Variants in USP6NL observed in about 807,000 individuals in gnomAD.
USP6NL encodes USP6 N-terminal-like protein.
A neutral mutation model predicts 61.9 loss-of-function variants in USP6NL; 26 were observed. The ratio of observed to expected loss-of-function variants is 0.42; its 90% CI spans 0.31 to 0.58. USP6NL has a LOEUF of 0.58. Ranked by LOEUF, USP6NL falls within the 20% of genes least tolerant of loss-of-function variation. USP6NL has a pLI of 0.16. For missense variants in USP6NL, 1,114 were observed against 1,034.3 expected (o/e 1.08, Z -1.06); for synonymous variants, 432 against 390.1 (o/e 1.11, Z -1.27).
chr10:11,469,792 A>G (rs567378173), intron 14 of USP6NL, among the ~76,000 whole-genome samples: 4 of 152,304 alleles, frequency 2.6e-5, no homozygotes, highest in African/African-American at 9.6e-5. Context: ...TTCACTTTAA[A>G]CAGTGCCAGC....
rs773170888 is a variant in USP6NL at position 11,474,974 on chromosome 10, A to G, written c.1078+6796T>C. On this transcript the variant is annotated intron_variant, in intron 14 of 14. Coordinates refer to ENST00000609104, the MANE Select transcript of USP6NL (RefSeq NM_014688.5). The surrounding 1 kb of genome is among the most constrained non-coding windows in gnomAD (Gnocchi z 4.9). Reference sequence around the variant, plus strand: ...CCCCGAAGGCTATGGCCATTTACCAAGACTAAAATGGCTCTGTCAACTATT... The same window carrying G: ...CCCCGAAGGCTATGGCCATTTACCAGGACTAAAATGGCTCTGTCAACTATT... Among the ~76,000 whole-genome samples, 1 of 152,204 alleles carries G rather than the reference A, an allele frequency of 6.6e-6. No individual in the cohort carries two copies. The highest frequency in any genetic ancestry group is 1.5e-5 in the Non-Finnish European group (1 of 68,038).
At chr10:11,530,986 T>C (rs1835633541) in intron 2 of USP6NL, among the ~76,000 whole-genome samples, 2 of 152,238 alleles carry the variant, frequency 1.3e-5, no homozygotes, top group South Asian at 4.1e-4. Context: ...TCAACAGCTG[T>C]CTTGTGTCTG....
chr10:11,463,184 A>T lies in USP6NL; in HGVS notation c.1744T>A (p.Tyr582Asn). Residue 582 changes from tyrosine (Y) to asparagine (N), a missense_variant, in exon 15 of 15, where the codon TAC becomes AAC. Transcript: ENST00000609104. The surrounding 1 kb of genome is among the most constrained non-coding windows in gnomAD (Gnocchi z 6.3). ...GCGTGCTTTCTCGGGCTAGGAGGGTAAAGGGCATGCCGGGGGCTCTGGGAG... is the reference window on the plus strand; with the variant it reads ...GCGTGCTTTCTCGGGCTAGGAGGGTTAAGGGCATGCCGGGGGCTCTGGGAG... ...AYSQSPRHALYPPSPRKHAEP... is the reference protein window; with the variant it reads ...AYSQSPRHALNPPSPRKHAEP... 1 of 1,613,650 alleles carries T rather than the reference A, an allele frequency of 6.2e-7. No homozygotes were observed. The highest frequency in any genetic ancestry group is 8.5e-7 in the Non-Finnish European group (1 of 1,179,874).
At chr10:11,469,344 T>A (rs1832626120) in intron 14 of USP6NL, among the ~76,000 whole-genome samples, 1 of 152,194 alleles carries the variant, frequency 6.6e-6, no homozygotes, top group Non-Finnish European at 1.5e-5. Context: ...ACTATTCATA[T>A]GAGTTAGAGT....
intron 14 of USP6NL, among the ~76,000 whole-genome samples, chr10:11,464,168 A>G (rs1485616082): frequency 3.9e-5 from 6 of 152,254 alleles, no homozygotes; most frequent in African/African-American, 7.2e-5. Context: ...GGGGACAGGC[A>G]GGCACACATG....
At chr10:11,531,688 C>T (rs576808417) in intron 2 of USP6NL, among the ~76,000 whole-genome samples, 2 of 149,638 alleles carry the variant, frequency 1.3e-5, no homozygotes, top group South Asian at 2.1e-4. Context: ...AAAAAAACTA[C>T]ATTATCCAAG....
At chr10:11,500,360 G>A (rs920680722) in intron 7 of USP6NL, among the ~76,000 whole-genome samples, 3 of 151,732 alleles carry the variant, frequency 2.0e-5, no homozygotes, top group Non-Finnish European at 4.4e-5. Flanking sequence ...AAAAAAAACA[G>A]CAATTTTTAT....
rs534850257 is a variant in USP6NL, at chr10:11,471,825, G to T, written c.1079-7976C>A. Among the ~76,000 whole-genome samples, 6 of 133,468 alleles carry T rather than the reference G, an allele frequency of 4.5e-5. No individual in the cohort carries two copies. In the Admixed American group the frequency reaches 4.7e-4, roughly 10 times the overall value. 87.6% of individuals were successfully genotyped at this position (133,468 alleles called of 152,430 possible). On this transcript the variant is annotated intron_variant, in intron 14 of 14. Transcript: ENST00000609104. ...GGAACATCACACACCGAGGCCTGTT[G>T]TGGGGTGGGGGGAGGGGGGGACAGC...
intron 5 of USP6NL, among the ~76,000 whole-genome samples, chr10:11,512,441 G>C (rs1391732042): frequency 6.6e-6 from 1 of 152,032 alleles, no homozygotes; most frequent in African/African-American, 2.4e-5. Context: ...TCCCTGCTGG[G>C]ATCCTTGTCT....
Position 11,527,513 on chromosome 10 carries a change from G to A in USP6NL, c.59C>T (p.Ala20Val). The change falls in exon 3 of 15, where the codon GCT (alanine) becomes GTT (valine). Residue 20 changes from alanine (A) to valine (V), a missense_variant. By Grantham distance (64) the Ala-to-Val change is moderately conservative (BLOSUM62 0). Transcript: ENST00000609104. ...ATGGATACTTACTCTGTCATATTTA[G>A]CAACTATTTCAGCTCGCTCCTGGGC... Reference protein sequence around the residue: ...KLAQERAEIVAKYDRGREGAE... With the variant: ...KLAQERAEIVVKYDRGREGAE... 1.9e-6 allele frequency: 3 copies of A among 1,606,514 alleles called. No homozygotes were observed. Among genetic ancestry groups the A allele is most frequent in the Non-Finnish European group, 2.6e-6 (3 of 1,176,136 alleles).
At position 11,561,236 on chromosome 10, in the gene USP6NL, C is replaced by T. The variant is rs1371289400; in HGVS notation, c.5-33669G>A. On this transcript the variant is annotated intron_variant, in intron 2 of 14. Coordinates refer to ENST00000609104, the MANE Select transcript of USP6NL (RefSeq NM_014688.5). The surrounding 1 kb of genome is among the most constrained non-coding windows in gnomAD (Gnocchi z 4.1). ...TCATTTCCTAACTGAACACTTAATTCATGCTTATAAAATATTCAAGCAATA... is the reference window on the plus strand; with the variant it reads ...TCATTTCCTAACTGAACACTTAATTTATGCTTATAAAATATTCAAGCAATA... Among the ~76,000 whole-genome samples, 1 of 152,134 alleles carries T rather than the reference C, an allele frequency of 6.6e-6. No homozygotes were observed. The highest frequency in any genetic ancestry group is 1.5e-5 in the Non-Finnish European group (1 of 68,008).
intron 2 of USP6NL, among the ~76,000 whole-genome samples, chr10:11,570,994 T>C (rs978687830): frequency 2.6e-5 from 4 of 152,182 alleles, no homozygotes; most frequent in African/African-American, 9.7e-5. Context: ...AAACAAACAC[T>C]TATTAGACAA....
rs1214589229 is a variant in USP6NL at position 11,470,689 on chromosome 10, C to A, written c.1079-6840G>T. Among the ~76,000 whole-genome samples, 1 of 152,210 alleles carries A rather than the reference C, an allele frequency of 6.6e-6. No homozygotes were observed. Among genetic ancestry groups the A allele is most frequent in the Non-Finnish European group, 1.5e-5 (1 of 68,030 alleles). ...TGTCTTTGGTTTAAATATCTCCTTTCACCCCTAAGCAACTAACTGTAACTA... is the reference window on the plus strand; with the variant it reads ...TGTCTTTGGTTTAAATATCTCCTTTAACCCCTAAGCAACTAACTGTAACTA... On this transcript the variant is annotated intron_variant, in intron 14 of 14. Transcript: ENST00000609104. This position sits in a 1 kb window ranked among gnomAD's most constrained non-coding sequence, Gnocchi z 5.4.
Position 11,482,758 on chromosome 10 carries a change from C to G in USP6NL, c.926-836G>C, listed in dbSNP as rs144073056. Among the ~76,000 whole-genome samples, 172 of 151,584 alleles carry G rather than the reference C, an allele frequency of 1.1e-3. No individual in the cohort carries two copies. The highest frequency in any genetic ancestry group is 3.9e-3 in the African/African-American group (163 of 41,312). ...CTGTGTGATGAACCTCCAGTAACAA[C>G]GTATTTTTAAGACAATCAGTAAGAA... is the stretch of plus-strand genomic sequence containing the variant. On this transcript the variant is annotated intron_variant, in intron 13 of 14. Coordinates refer to ENST00000609104, the MANE Select transcript of USP6NL (RefSeq NM_014688.5). This position sits in a 1 kb window ranked among gnomAD's most constrained non-coding sequence, Gnocchi z 4.0.
Position 11,597,681 on chromosome 10 carries a change from A to T in USP6NL, c.-47T>A. On this transcript the variant is annotated 5_prime_UTR_variant, in exon 2 of 15. Transcript: ENST00000609104. The surrounding 1 kb of genome is among the most constrained non-coding windows in gnomAD (Gnocchi z 4.6). ...TTGTCCCAATCAGATATTAAACCAAAATCTGCTGTCCAAGGTTTCTCAGAG... is the reference window on the plus strand; with the variant it reads ...TTGTCCCAATCAGATATTAAACCAATATCTGCTGTCCAAGGTTTCTCAGAG... 1 of 1,524,208 alleles carries T rather than the reference A, an allele frequency of 6.6e-7. No homozygotes were observed. The allele number at this position is 1,524,208 out of a possible 1,614,324, so 94.4% of individuals were successfully genotyped here.
chr10:11,461,464 G>GGAC lies in USP6NL; in HGVS notation c.*974_*976dup, dbSNP rs1314061865. 6.6e-6 allele frequency: 1 copy of GGAC among 152,122 alleles called. No homozygotes were observed. The highest frequency in any genetic ancestry group is 2.4e-5 in the African/African-American group (1 of 41,406). The allele number at this position is 152,122 out of a possible 1,614,324, so 9.4% of individuals were successfully genotyped here. Reference sequence around the variant, plus strand: ...ATGGATTGTATAAATGGCCACCCTGGGACCTTCGTGGGGAGAAGCCATGTG... The same window carrying GGAC: ...ATGGATTGTATAAATGGCCACCCTGGGACGACCTTCGTGGGGAGAAGCCATGTG... On this transcript the variant is annotated 3_prime_UTR_variant, in exon 15 of 15. Transcript: ENST00000609104.
Position 11,462,507 on chromosome 10 carries a change from G to A in USP6NL, c.2421C>T (p.Pro807=), listed in dbSNP as rs1338434512. 1.9e-6 allele frequency: 3 copies of A among 1,613,868 alleles called. No individual in the cohort carries two copies. Among genetic ancestry groups the A allele is most frequent in the Non-Finnish European group, 2.5e-6 (3 of 1,179,902 alleles). ...ASPSGYPYSG[P]PPPAYHYRNR... is the part of the protein sequence containing the mutation. Reference sequence around the variant, plus strand: ...TCCTGTAGTGGTAGGCTGGAGGCGGGGGCCCTGAATATGGATATCCAGATG... The same window carrying A: ...TCCTGTAGTGGTAGGCTGGAGGCGGAGGCCCTGAATATGGATATCCAGATG... The change falls in exon 15 of 15, where the codon CCC becomes CCT. Residue 807 remains proline (P), a synonymous_variant. Coordinates refer to ENST00000609104, the MANE Select transcript of USP6NL (RefSeq NM_014688.5).
intron 1 of USP6NL, among the ~76,000 whole-genome samples, chr10:11,608,910 C>T (rs768439805): frequency 1.3e-5 from 2 of 152,140 alleles, no homozygotes; most frequent in Non-Finnish European, 2.9e-5. Flanking sequence ...ATCTCATGTA[C>T]TACATGGACG....
chr10:11,580,485 C>T (rs779139293), intron 2 of USP6NL, among the ~76,000 whole-genome samples: 6 of 151,926 alleles, frequency 3.9e-5, no homozygotes, highest in African/African-American at 2.4e-5. Context: ...TCGAAATGTC[C>T]GACAACAAGA....
Sources: allele counts gnomAD v4.1 joint callset (sites outside exome capture counted in the v4.1 genomes callset), GRCh38; gene constraint gnomAD v4.1.1; non-coding constraint Gnocchi (gnomAD v3.1); transcripts MANE v1.5; gene names NCBI Gene and HGNC (gene_info 2026-07-23, HGNC 2026-07-21).